SDHAF3: variants seen among roughly 807,000 people sequenced by gnomAD.
SDHAF3 encodes the protein succinate dehydrogenase assembly factor 3, mitochondrial.
A neutral mutation model predicts 11.5 loss-of-function variants in SDHAF3; 18 were observed. That is an observed-to-expected ratio of 1.56 (90% CI 1.08 to 2.32). The LOEUF (loss-of-function observed/expected upper bound fraction) is 2.32. SDHAF3 is among the 30% of genes most tolerant of loss of function. The probability of loss-of-function intolerance (pLI) is 0.00; values close to 1 mark genes in which losing one functional copy is unlikely to be tolerated. For synonymous variants in SDHAF3, 72 were observed against 59.3 expected (o/e 1.21, Z -0.99); for missense variants, 200 against 154.4 (o/e 1.30, Z -1.57).
chr7:97,117,935 G>T (rs1018900473), intron 1 of SDHAF3, 38 bp downstream of exon 1: 4 of 1,602,864 alleles, frequency 2.5e-6, no homozygotes, highest in Non-Finnish European at 2.6e-6. Context: ...AAGACCTTTG[G>T]GGTTCCTCGG....
chr7:97,179,157 G>A (rs184654018), intron 1 of SDHAF3, among the ~76,000 whole-genome samples: 1 of 152,224 alleles, frequency 6.6e-6, no homozygotes, highest in East Asian at 1.9e-4. Flanking sequence ...ATATATGTAA[G>A]GATTTACTTC....
intron 1 of SDHAF3, among the ~76,000 whole-genome samples, chr7:97,118,117 GCTC>G (rs2115603058): frequency 6.6e-6 from 1 of 152,234 alleles, no homozygotes; most frequent in East Asian, 1.9e-4. Context: ...CAACTTTTGA[GCTC>G]CTGCAGATGC....
intron 1 of SDHAF3, among the ~76,000 whole-genome samples, chr7:97,148,550 T>C (rs1257566939): frequency 6.6e-6 from 1 of 152,084 alleles, no homozygotes; most frequent in Non-Finnish European, 1.5e-5. Context: ...AAAATAAAAA[T>C]AAACAAATAG....
At chr7:97,147,423 T>C (rs1789152866) in intron 1 of SDHAF3, among the ~76,000 whole-genome samples, 1 of 152,228 alleles carries the variant, frequency 6.6e-6, no homozygotes, top group Non-Finnish European at 1.5e-5. Flanking sequence ...TGTTTATTTG[T>C]CCAGTACTTT....
chr7:97,161,912 ATAG>A (rs1789418332), intron 1 of SDHAF3, among the ~76,000 whole-genome samples: 1 of 152,176 alleles, frequency 6.6e-6, no homozygotes, highest in Non-Finnish European at 1.5e-5. Context: ...ATGTGTCTTT[ATAG>A]TAGAATGATT....
At chr7:97,151,252 C>T (rs1206303917) in intron 1 of SDHAF3, among the ~76,000 whole-genome samples, 1 of 151,990 alleles carries the variant, frequency 6.6e-6, no homozygotes, top group Admixed American at 6.6e-5. Flanking sequence ...TGCATATACA[C>T]GAGAGTCTCA....
At chr7:97,178,257 C>A (rs1042402992) in intron 1 of SDHAF3, among the ~76,000 whole-genome samples, 1 of 152,144 alleles carries the variant, frequency 6.6e-6, no homozygotes, top group Non-Finnish European at 1.5e-5. Context: ...GATAAATATT[C>A]CATTGTATGT....
At chr7:97,180,749 A>C (rs1200524781) in intron 1 of SDHAF3, among the ~76,000 whole-genome samples, 1 of 152,182 alleles carries the variant, frequency 6.6e-6, no homozygotes, top group Non-Finnish European at 1.5e-5. Context: ...TCTGAAGCCC[A>C]TCCAGGGACT....
At chr7:97,168,968 GT>G (rs1789559346) in intron 1 of SDHAF3, among the ~76,000 whole-genome samples, 2 of 152,154 alleles carry the variant, frequency 1.3e-5, no homozygotes, top group South Asian at 4.1e-4. Context: ...CTTTCATTTG[GT>G]TAATTAGAAT....
chr7:97,132,503 A>G (rs970169589), intron 1 of SDHAF3, among the ~76,000 whole-genome samples: 1 of 152,202 alleles, frequency 6.6e-6, no homozygotes, highest in Non-Finnish European at 1.5e-5. Context: ...GTCTAGTATT[A>G]TGTCTTGTTA....
At chr7:97,138,098 G>T (rs1240777930) in intron 1 of SDHAF3, among the ~76,000 whole-genome samples, 4 of 151,308 alleles carry the variant, frequency 2.6e-5, no homozygotes, top group African/African-American at 9.7e-5. Flanking sequence ...GACCTCAAGT[G>T]ATCCACCCGC....
chr7:97,151,639 C>T lies in SDHAF3; in HGVS notation c.175-29373C>T, dbSNP rs1183802783. Among the ~76,000 whole-genome samples the T allele has an allele frequency of 2.6e-5, 4 of 151,950 alleles. No individual in the cohort carries two copies. The East Asian group carries it at 7.7e-4, about 29-fold the overall frequency. On this transcript the variant is annotated intron_variant, in intron 1 of 1. Transcript: ENST00000432641. ...TCAGCCTCCCGAGTAGCTGGGACTA[C>T]AGGCGCTTGCCACCATGCCTGGCTA...
At chr7:97,136,316 G>C (rs886358359) in intron 1 of SDHAF3, 3 of 509,040 alleles carry the variant, frequency 5.9e-6, no homozygotes, top group African/African-American at 5.7e-5. Context: ...CTTTTGAAAA[G>C]TGAATTATCA....
At chr7:97,149,439 T>G (rs1584221967) in intron 1 of SDHAF3, among the ~76,000 whole-genome samples, 1 of 152,310 alleles carries the variant, frequency 6.6e-6, no homozygotes, top group East Asian at 1.9e-4. Flanking sequence ...AGATTTGTAC[T>G]ATATACTAAA....
chr7:97,144,694 C>G (rs1789108539), intron 1 of SDHAF3, among the ~76,000 whole-genome samples: 3 of 152,284 alleles, frequency 2.0e-5, no homozygotes, highest in South Asian at 4.1e-4. Context: ...ATACCAGTAT[C>G]ATGCTGTTTT....
At chr7:97,136,236 G>A (rs1380645848) in intron 1 of SDHAF3, among the ~76,000 whole-genome samples, 2 of 152,188 alleles carry the variant, frequency 1.3e-5, no homozygotes, top group Non-Finnish European at 2.9e-5. Flanking sequence ...TTTATAAACT[G>A]ATTTTTTTTG....
At position 97,135,581 on chromosome 7, in the gene SDHAF3, A is replaced by ATGTG. The variant is rs55801981; in HGVS notation, c.174+17702_174+17705dup. The ATGTG allele has an allele frequency of 3.5e-4, 48 of 137,242 alleles. No individual in the cohort carries two copies. In the East Asian group the frequency reaches 9.0e-3, roughly 26 times the overall value. The allele number at this position is 137,242 out of a possible 1,614,324, so 8.5% of individuals were successfully genotyped here. A position where few individuals can be genotyped will look rare whatever the true frequency, so the allele number is the denominator to read the frequency against. The stretch of plus-strand genomic sequence containing the variant: ...GACTGCATTATTTGCTAGTCCCCAT[A>ATGTG]TGTGTGTGTGTGTGTGTGTGTCTGT... On this transcript the variant is annotated intron_variant, in intron 1 of 1. Transcript: ENST00000432641.
At chr7:97,167,828 T>C (rs560395836) in intron 1 of SDHAF3, among the ~76,000 whole-genome samples, 242 of 152,292 alleles carry the variant, frequency 1.6e-3, no homozygotes, top group Non-Finnish European at 2.3e-3. Context: ...CAAGCACTGA[T>C]CTTGACAGAG....
chr7:97,181,139 T>A lies in SDHAF3; in HGVS notation c.302T>A (p.Leu101Ter). ...TTTCGTGATGAACAAATTGGACAGT[T>A]GCAGGAGCTGATGCAAGAAGCCACA... is the stretch of plus-strand genomic sequence containing the variant. ...NDFRDEQIGQ[L>*]QELMQEATKP... The change falls in exon 2 of 2, where the codon TTG becomes TAG. Residue 101 changes from leucine (L) to a stop codon, truncating the protein, a stop_gained. Transcript: ENST00000432641. LOFTEE classifies it high-confidence loss of function. 1.2e-6 allele frequency: 2 copies of A among 1,614,026 alleles called. No homozygotes were observed. Among genetic ancestry groups the A allele is most frequent in the Non-Finnish European group, 1.7e-6 (2 of 1,179,942 alleles).
Sources: gnomAD v4.1 joint callset for allele counts (sites outside exome capture counted in the v4.1 genomes callset) on GRCh38, gnomAD v4.1.1 for gene constraint, MANE v1.5 for transcripts, NCBI Gene and HGNC (gene_info 2026-07-23, HGNC 2026-07-21) for gene names.